The following GPHN variants were observed in gnomAD, a reference collection of about 807,000 sequenced individuals.
The protein encoded by GPHN is gephyrin.
Under a neutral mutation model 95.5 loss-of-function variants are expected in GPHN, and 17 were observed. The ratio of observed to expected loss-of-function variants is 0.18; its 90% CI spans 0.12 to 0.27. The LOEUF is 0.27. GPHN is among the 10% of genes least tolerant of loss of function. The pLI, the probability that GPHN is intolerant of heterozygous loss-of-function variation, is 1.00. For synonymous variants in GPHN, 320 were observed against 322.5 expected (o/e 0.99, Z 0.08); for missense variants, 660 against 978.1 (o/e 0.67, Z 4.34).
At chr14:67,036,501 G>GCACGCACACACACA (rs1555469786) in intron 10 of GPHN, among the ~76,000 whole-genome samples, 2 of 118,148 alleles carry the variant, frequency 1.7e-5, no homozygotes, top group African/African-American at 7.7e-5. Context: ...ATACATACAT[G>GCACGCACACACACA]CACACACACA....
chr14:67,409,842 CA>C, the GPHN span, among the ~76,000 whole-genome samples: 1 of 152,190 alleles, frequency 6.6e-6, no homozygotes, highest in African/African-American at 2.4e-5. Flanking sequence ...CTCCAGTGGA[CA>C]TAGGGAATGC....
chr14:67,019,087 AT>A (rs2073463769), intron 9 of GPHN, among the ~76,000 whole-genome samples: 1 of 152,184 alleles, frequency 6.6e-6, no homozygotes, highest in Non-Finnish European at 1.5e-5. Flanking sequence ...GCAAAGTTGA[AT>A]TTTTTCCTGA....
intron 10 of GPHN, among the ~76,000 whole-genome samples, chr14:67,043,878 A>C (rs1018370518): frequency 1.3e-5 from 2 of 152,158 alleles, no homozygotes; most frequent in Non-Finnish European, 2.9e-5. Flanking sequence ...TTGGTAGGCT[A>C]TTAATTACTG....
At chr14:67,405,569 T>C in the GPHN span, among the ~76,000 whole-genome samples, 1 of 152,132 alleles carries the variant, frequency 6.6e-6, no homozygotes, top group East Asian at 1.9e-4. Context: ...CCTTGCATAG[T>C]CTCCTTCCAC....
chr14:67,573,072 T>C, the GPHN span, among the ~76,000 whole-genome samples: 1 of 152,240 alleles, frequency 6.6e-6, no homozygotes, highest in Admixed American at 6.5e-5. The surrounding 1 kb of genome is among the most constrained non-coding windows in gnomAD (Gnocchi z 4.8). Context: ...GAGCCCTTCC[T>C]TGGCAGGACC....
chr14:67,402,134 A>AAACAAC, the GPHN span, among the ~76,000 whole-genome samples: 959 of 152,286 alleles, frequency 6.3e-3, 9 homozygotes, highest in African/African-American at 0.021. Flanking sequence ...AGTCCATCTC[A>AAACAAC]AACAACAACA....
At chr14:67,660,288 A>C in the GPHN span, 1 of 160,494 alleles carries the variant, frequency 6.2e-6, no homozygotes, top group Admixed American at 6.3e-5. Flanking sequence ...TGAAGATCGC[A>C]CAAAAAGGAG....
intron 3 of GPHN, among the ~76,000 whole-genome samples, chr14:66,808,852 C>G (rs538644422): frequency 6.6e-6 from 1 of 152,296 alleles, no homozygotes; most frequent in East Asian, 1.9e-4. Flanking sequence ...ACAGAGGAAA[C>G]AGTGACCAAT....
intron 1 of GPHN, among the ~76,000 whole-genome samples, chr14:66,525,095 A>G (rs2058633635): frequency 6.6e-6 from 1 of 152,146 alleles, no homozygotes; most frequent in South Asian, 2.1e-4. Context: ...TAATGATTGA[A>G]CTAATTTACA....
At chr14:66,847,686 C>T (rs1303094460) in intron 4 of GPHN, among the ~76,000 whole-genome samples, 1 of 151,864 alleles carries the variant, frequency 6.6e-6, no homozygotes, top group African/African-American at 2.4e-5. Flanking sequence ...TATTCAAGAC[C>T]TTGCAAAGGA....
chr14:66,733,372 TACAG>T (rs1196760879), intron 2 of GPHN, among the ~76,000 whole-genome samples: 1 of 151,900 alleles, frequency 6.6e-6, no homozygotes, highest in African/African-American at 2.4e-5. Context: ...AACAGACTAA[TACAG>T]ACACCTAGCA....
At chr14:66,901,828 A>C (rs531076360) in intron 5 of GPHN, among the ~76,000 whole-genome samples, 1 of 151,704 alleles carries the variant, frequency 6.6e-6, no homozygotes, top group South Asian at 2.1e-4. Flanking sequence ...TCCAGCTTTG[A>C]TTTTTTTGCT....
In GPHN at chr14:66,761,375, A is replaced by G. The variant is rs112215100; in HGVS notation, c.144-15089A>G. ...GTGATAAAATATTATTTACAGTAAA[A>G]TATTCCCTTTATTAATATTATAGAA... is the stretch of plus-strand genomic sequence containing the variant. On this transcript the variant is annotated intron_variant, in intron 2 of 22. Transcript: ENST00000478722. 6.2e-4 allele frequency among the ~76,000 whole-genome samples: 95 copies of G among 152,328 alleles called. 2 individuals carry two copies. The highest frequency in any genetic ancestry group is 1.9e-3 in the Admixed American group (29 of 15,302).
At chr14:66,776,314 A>C in intron 2 of GPHN, 150 bp from the exon 3 acceptor site, 1 of 665,060 alleles carries the variant, frequency 1.5e-6, no homozygotes, top group East Asian at 2.6e-5. Context: ...TACATGGAAA[A>C]TATATGCACA....
intron 4 of GPHN, among the ~76,000 whole-genome samples, chr14:66,841,548 C>G (rs1156309299): frequency 6.6e-6 from 1 of 152,008 alleles, no homozygotes; most frequent in African/African-American, 2.4e-5. Context: ...TAAACAGATG[C>G]AATAAGATAA....
At chr14:67,279,659 A>G in the GPHN span, 1 of 991,714 alleles carries the variant, frequency 1.0e-6, no homozygotes, top group Admixed American at 3.2e-5. Context: ...ATTCCAGACC[A>G]AGATCCTTTG....
chr14:67,276,130 TG>T, the GPHN span, among the ~76,000 whole-genome samples: 1 of 152,210 alleles, frequency 6.6e-6, no homozygotes, highest in Non-Finnish European at 1.5e-5. Context: ...GAGTGATATT[TG>T]TATAAAAATG....
the GPHN span, among the ~76,000 whole-genome samples, chr14:67,369,127 C>T: frequency 3.3e-5 from 5 of 152,034 alleles, no homozygotes; most frequent in Non-Finnish European, 7.4e-5. Context: ...AAGCAAGACT[C>T]GACGATAATC....
the GPHN span, among the ~76,000 whole-genome samples, chr14:67,203,952 T>C: frequency 6.6e-6 from 1 of 152,174 alleles, no homozygotes; most frequent in Non-Finnish European, 1.5e-5. Context: ...CCTCAGGTGA[T>C]CCACCCGCCT....
Sources: gnomAD v4.1 joint callset for allele counts (sites outside exome capture counted in the v4.1 genomes callset) on GRCh38, gnomAD v4.1.1 for gene constraint, Gnocchi (gnomAD v3.1) non-coding constraint, MANE v1.5 for transcripts, NCBI Gene and HGNC (gene_info 2026-07-23, HGNC 2026-07-21) for gene names.